Variants in TXNDC16 observed in about 807,000 individuals in gnomAD.
The protein encoded by TXNDC16 is thioredoxin domain containing 16.
Under a neutral mutation model 85.6 loss-of-function variants are expected in TXNDC16, and 74 were observed. That is an observed-to-expected ratio of 0.86 (90% CI 0.72 to 1.05). The LOEUF (loss-of-function observed/expected upper bound fraction) is 1.05, where lower values mean the gene tolerates loss of function less well. TXNDC16 is among the 50% of genes least tolerant of loss of function. TXNDC16 has a pLI of 0.00. For synonymous variants in TXNDC16, 335 were observed against 326.5 expected (o/e 1.03, Z -0.28); for missense variants, 959 against 947.0 (o/e 1.01, Z -0.17).
chr14:52,447,508 G>C (rs921815683), intron 18 of TXNDC16, among the ~76,000 whole-genome samples: 4 of 152,198 alleles, frequency 2.6e-5, no homozygotes, highest in South Asian at 2.1e-4. Context: ...CAGTGCCAGT[G>C]GTGGTGGCCC....
At chr14:52,494,252 TG>T (rs1434784860) in intron 9 of TXNDC16, among the ~76,000 whole-genome samples, 2 of 152,108 alleles carry the variant, frequency 1.3e-5, no homozygotes, top group East Asian at 3.9e-4. Context: ...TCCCCTCCCC[TG>T]AGTGTCAGTA....
intron 18 of TXNDC16, 138 bp downstream of exon 18, chr14:52,455,186 A>G (rs112278006): frequency 1.1e-6 from 1 of 943,068 alleles, no homozygotes; most frequent in Non-Finnish European, 1.6e-6. Flanking sequence ...ATAAAACAGA[A>G]CAATCCAGTA....
At chr14:52,490,580 T>C (rs2036377800) in intron 10 of TXNDC16, 129 bp from the exon 11 acceptor site, 1 of 827,794 alleles carries the variant, frequency 1.2e-6, no homozygotes, top group African/African-American at 1.8e-5. Flanking sequence ...ATTTAGTGAC[T>C]GAAAAATTTT....
intron 18 of TXNDC16, among the ~76,000 whole-genome samples, chr14:52,443,010 T>C (rs1244604592): frequency 2.0e-5 from 3 of 152,184 alleles, no homozygotes; most frequent in Non-Finnish European, 4.4e-5. Flanking sequence ...AAGGTAGGTG[T>C]GATGGTTAAT....
chr14:52,488,775 A>T (rs559489430), intron 11 of TXNDC16, among the ~76,000 whole-genome samples: 24 of 147,912 alleles, frequency 1.6e-4, no homozygotes, highest in African/African-American at 5.8e-4. Flanking sequence ...CAGAGGTTGC[A>T]GTGAGGCAAG....
intron 18 of TXNDC16, among the ~76,000 whole-genome samples, chr14:52,447,180 T>G (rs917642040): frequency 1.6e-4 from 24 of 149,810 alleles, no homozygotes; most frequent in Admixed American, 6.6e-5. Context: ...AAGCCCACTA[T>G]CCTGAAGCAT....
At chr14:52,445,684 C>T (rs2035264838) in intron 18 of TXNDC16, among the ~76,000 whole-genome samples, 1 of 152,098 alleles carries the variant, frequency 6.6e-6, no homozygotes, top group African/African-American at 2.4e-5. Flanking sequence ...TTTTACTGTA[C>T]CTTTTCTATG....
chr14:52,532,913 T>C (rs535226562), intron 6 of TXNDC16, among the ~76,000 whole-genome samples: 1 of 152,226 alleles, frequency 6.6e-6, no homozygotes, highest in Non-Finnish European at 1.5e-5. Context: ...CTGTTTGGCA[T>C]AGTTCTTTAA....
rs531921063 is a variant in TXNDC16, at chr14:52,464,765, C to T, written c.1618+5272G>A. On this transcript the variant is annotated intron_variant, in intron 16 of 20. Transcript: ENST00000281741. ...TGGCCAACACAGTGAAACCCTGTCT[C>T]TACTAAAAAGACAAAAAATTAGCTG... 3.9e-5 allele frequency among the ~76,000 whole-genome samples: 6 copies of T among 152,154 alleles called. No homozygotes were observed. The South Asian group carries it at 1.2e-3, about 32-fold the overall frequency.
chr14:52,448,862 GCAAA>G (rs1476828230), intron 18 of TXNDC16, among the ~76,000 whole-genome samples: 3 of 151,958 alleles, frequency 2.0e-5, no homozygotes, highest in Non-Finnish European at 4.4e-5. Context: ...GTTCGTTTAT[GCAAA>G]CAGTGTTAAG....
At chr14:52,500,922 T>C (rs2036643646) in intron 9 of TXNDC16, among the ~76,000 whole-genome samples, 1 of 152,224 alleles carries the variant, frequency 6.6e-6, no homozygotes, top group Admixed American at 6.5e-5. Flanking sequence ...CAATTGGGAT[T>C]CAGATAAAAG....
intron 16 of TXNDC16, among the ~76,000 whole-genome samples, chr14:52,462,123 A>T (rs2035666431): frequency 1.3e-5 from 2 of 152,258 alleles, no homozygotes; most frequent in Non-Finnish European, 2.9e-5. Context: ...ACATCCAGAC[A>T]GAAGCAGATT....
intron 11 of TXNDC16, 32 bp downstream of exon 11, chr14:52,490,357 CAG>C (rs2036371471): frequency 7.0e-7 from 1 of 1,432,750 alleles, no homozygotes; most frequent in African/African-American, 1.5e-5. Flanking sequence ...TTTAAATAAA[CAG>C]ATATTGTAGA....
At chr14:52,540,253 A>G (rs1425153646) in intron 4 of TXNDC16, among the ~76,000 whole-genome samples, 1 of 152,174 alleles carries the variant, frequency 6.6e-6, no homozygotes, top group Non-Finnish European at 1.5e-5. Context: ...ACAATCTTAA[A>G]TGCTGCTTTT....
Position 52,473,537 on chromosome 14 carries a change from C to A in TXNDC16, c.1313-2857G>T, listed in dbSNP as rs141113111. Among the ~76,000 whole-genome samples the A allele has an allele frequency of 6.6e-3, 1,009 of 152,174 alleles. 8 individuals are homozygous for A. The highest frequency in any genetic ancestry group is 0.013 in the South Asian group (64 of 4,818). Reference sequence around the variant, plus strand: ...TATCTTTAAAACCAGAAAAGTAATACTGATATATATCACTAAAAGTTATAT... The same window carrying A: ...TATCTTTAAAACCAGAAAAGTAATAATGATATATATCACTAAAAGTTATAT... On this transcript the variant is annotated intron_variant, in intron 14 of 20. Transcript: ENST00000281741.
intron 6 of TXNDC16, among the ~76,000 whole-genome samples, chr14:52,530,012 ATATAT>A (rs1183487889): frequency 9.6e-5 from 10 of 104,318 alleles, no homozygotes; most frequent in African/African-American, 1.2e-4. Flanking sequence ...AATATATATT[ATATAT>A]TATATGTTAT....
In TXNDC16 at chr14:52,470,067, A is replaced by T. The variant is rs2035868927; in HGVS notation, c.1588T>A (p.Leu530Met). The T allele has an allele frequency of 1.9e-6, 3 of 1,611,282 alleles. No individual in the cohort carries two copies. In the East Asian group the frequency reaches 6.7e-5, roughly 36 times the overall value. ...TTCATGGTTGGACTAAATAGTCCCA[A>T]TACTGACACACTAGAATACAAGATG... ...DLILYSSVSV[L>M]GLFSPTMKTA... The change falls in exon 16 of 21, where the codon TTG becomes ATG. Residue 530 changes from leucine to methionine, a missense_variant. Leu to Met is a conservative substitution (Grantham distance 15). Transcript: ENST00000281741.
In TXNDC16 at chr14:52,543,491, G is replaced by C; in HGVS notation, c.67C>G (p.Pro23Ala). The change falls in exon 3 of 21, where the codon CCA becomes GCA. Residue 23 changes from proline to alanine, a missense_variant. By Grantham distance (27) the Pro-to-Ala change is conservative. Coordinates refer to ENST00000281741, the MANE Select transcript of TXNDC16 (RefSeq NM_020784.3). ...SFVIMCIFYM[P>A]TVNSLPELSP... ...AGTTCTGGTAAAGAGTTTACTGTTG[G>C]CATGTAAAAAATGCACATTATGACA... 1 of 1,613,472 alleles carries C rather than the reference G, an allele frequency of 6.2e-7. No homozygotes were observed. Among genetic ancestry groups the C allele is most frequent in the Non-Finnish European group, 8.5e-7 (1 of 1,179,668 alleles).
chr14:52,504,523 G>A (rs2036743621), intron 9 of TXNDC16, among the ~76,000 whole-genome samples: 1 of 152,168 alleles, frequency 6.6e-6, no homozygotes, highest in South Asian at 2.1e-4. Flanking sequence ...CAAATGCTGA[G>A]AGATTTTGTC....
Sources: allele counts gnomAD v4.1 joint callset (sites outside exome capture counted in the v4.1 genomes callset), GRCh38; gene constraint gnomAD v4.1.1; transcripts MANE v1.5; gene names NCBI Gene and HGNC (gene_info 2026-07-23, HGNC 2026-07-21).